The following PVT1 variants were observed in gnomAD, a reference collection of about 807,000 sequenced individuals.
The protein encoded by PVT1 is Pvt1 oncogene.
chr8:128,065,690 G>T (rs1260386528), intron 4 of PVT1, among the ~76,000 whole-genome samples: 1 of 152,158 alleles, frequency 6.6e-6, no homozygotes, highest in African/African-American at 2.4e-5. Context: ...AGTCCCTGTA[G>T]GGGGAAAGAG....
chr8:127,892,320 G>A (rs747705207), intron 3 of PVT1, among the ~76,000 whole-genome samples: 30 of 152,206 alleles, frequency 2.0e-4, no homozygotes, highest in Non-Finnish European at 3.7e-4. Flanking sequence ...ATCTTTCTGA[G>A]TTGAGGAAAT....
At chr8:128,083,999 C>G (rs1814223798) in intron 5 of PVT1, among the ~76,000 whole-genome samples, 1 of 152,158 alleles carries the variant, frequency 6.6e-6, no homozygotes, top group Non-Finnish European at 1.5e-5. Flanking sequence ...CCCTACTTAC[C>G]TTCTCCACCA....
intron 4 of PVT1, among the ~76,000 whole-genome samples, chr8:128,016,356 G>A (rs929565918): frequency 1.3e-5 from 2 of 152,004 alleles, no homozygotes; most frequent in Non-Finnish European, 2.9e-5. Flanking sequence ...AAGTGAGGTT[G>A]GGTTTGTGAA....
At position 128,079,912 on chromosome 8, in the gene PVT1, G is replaced by C. The variant is rs184130495; in HGVS notation, n.1114+9551G>C. Among the ~76,000 whole-genome samples the C allele has an allele frequency of 3.8e-3, 582 of 152,138 alleles. 2 individuals carry two copies. Among genetic ancestry groups the C allele is most frequent in the African/African-American group, 0.013 (560 of 41,504 alleles). ...GCTAATTTTTTGTATTTTTAGTAGA[G>C]ACAGGGTTTCACCATGGTAGCCAGG... On this transcript the variant is annotated intron_variant and non_coding_transcript_variant, in intron 5 of 10. Coordinates refer to ENST00000651587, the Ensembl canonical transcript of PVT1.
intron 2 of PVT1, among the ~76,000 whole-genome samples, chr8:127,817,560 CAT>C (rs1260864615): frequency 3.7e-4 from 32 of 85,806 alleles, no homozygotes; most frequent in Non-Finnish European, 6.0e-4. Context: ...CACACACACA[CAT>C]ATATATATAT....
chr8:127,879,099 A>G (rs1006598550), intron 2 of PVT1, among the ~76,000 whole-genome samples: 8 of 152,138 alleles, frequency 5.3e-5, no homozygotes, highest in African/African-American at 1.9e-4. Context: ...TGCTTTGGAA[A>G]TCTCTATTTT....
At chr8:128,093,515 C>T (rs907856056) in intron 5 of PVT1, among the ~76,000 whole-genome samples, 5 of 151,798 alleles carry the variant, frequency 3.3e-5, no homozygotes, top group Admixed American at 1.3e-4. Flanking sequence ...TGAGATCGCG[C>T]CATTGCCCTC....
intron 3 of PVT1, among the ~76,000 whole-genome samples, chr8:127,978,437 C>T (rs1816846412): frequency 6.6e-6 from 1 of 151,732 alleles, no homozygotes; most frequent in Non-Finnish European, 1.5e-5. Flanking sequence ...ATTCCTGAGC[C>T]ACCACATCCA....
intron 4 of PVT1, among the ~76,000 whole-genome samples, chr8:128,008,512 C>G (rs1041837927): frequency 2.6e-5 from 4 of 152,198 alleles, no homozygotes; most frequent in African/African-American, 9.7e-5. Flanking sequence ...CATGCCTGTT[C>G]CCTACTTCTT....
chr8:127,947,844 T>G (rs1262474625), intron 3 of PVT1: 1 of 456,550 alleles, frequency 2.2e-6, no homozygotes, highest in Non-Finnish European at 4.4e-6. Context: ...TATTAAGCAC[T>G]TACTTTGTGC....
intron 3 of PVT1, among the ~76,000 whole-genome samples, chr8:127,981,854 A>T (rs1816886076): frequency 6.6e-6 from 1 of 152,254 alleles, no homozygotes; most frequent in Admixed American, 6.5e-5. Context: ...CAGTCCTCCC[A>T]GGAGGTGGTG....
intron 2 of PVT1, among the ~76,000 whole-genome samples, chr8:127,869,985 G>T (rs1815334254): frequency 6.6e-6 from 1 of 152,082 alleles, no homozygotes; most frequent in Non-Finnish European, 1.5e-5. Context: ...TGTACTTTTA[G>T]TAGAGACAGG....
intron 3 of PVT1, among the ~76,000 whole-genome samples, chr8:127,905,069 CA>C (rs1815803645): frequency 6.6e-6 from 1 of 152,210 alleles, no homozygotes; most frequent in South Asian, 2.1e-4. Flanking sequence ...CTGTGGTGCT[CA>C]AAGGTACCTG....
At chr8:127,825,377 A>G (rs1389014431) in intron 2 of PVT1, among the ~76,000 whole-genome samples, 1 of 152,090 alleles carries the variant, frequency 6.6e-6, no homozygotes, top group Admixed American at 6.5e-5. Context: ...TCCTCCATGG[A>G]GTTGCTTTCT....
At position 127,868,782 on chromosome 8, in the gene PVT1, T is replaced by TATACGTATATATATATGTATATAC. The variant is rs1563625649; in HGVS notation, n.373-21804_373-21803insCGTATATATATATGTATATACATA. ...TCCTTCCTTTTAACATATATATATATATATATATATACATATATATGTACA... is the reference window on the plus strand; with the variant it reads ...TCCTTCCTTTTAACATATATATATATATACGTATATATATATGTATATACATATATATATACATATATATGTACA... On this transcript the variant is annotated intron_variant and non_coding_transcript_variant, in intron 2 of 10. Coordinates refer to ENST00000651587, the Ensembl canonical transcript of PVT1. 5.0e-3 allele frequency among the ~76,000 whole-genome samples: 301 copies of TATACGTATATATATATGTATATAC among 60,580 alleles called. 14 individuals are homozygous for TATACGTATATATATATGTATATAC. Among genetic ancestry groups the TATACGTATATATATATGTATATAC allele is most frequent in the African/African-American group, 0.016 (229 of 14,770 alleles). 39.7% of individuals were successfully genotyped at this position (60,580 alleles called of 152,430 possible).
intron 2 of PVT1, among the ~76,000 whole-genome samples, chr8:127,827,203 C>A (rs191977223): frequency 7.9e-5 from 12 of 152,180 alleles, no homozygotes; most frequent in Middle Eastern, 3.4e-3. Context: ...CCATGTTGGT[C>A]AGGCTGGTCT....
chr8:128,055,143 A>G (rs1813748357), intron 4 of PVT1, among the ~76,000 whole-genome samples: 1 of 152,146 alleles, frequency 6.6e-6, no homozygotes, highest in Non-Finnish European at 1.5e-5. Context: ...TAATCTCTCT[A>G]TGTCCCTACA....
intron 4 of PVT1, among the ~76,000 whole-genome samples, chr8:127,992,412 T>A (rs1373068870): frequency 6.6e-6 from 1 of 152,158 alleles, no homozygotes; most frequent in Non-Finnish European, 1.5e-5. Context: ...TTTTTTCTTT[T>A]ATTTTTTTAA....
intron 3 of PVT1, among the ~76,000 whole-genome samples, chr8:127,936,683 T>C (rs1482208881): frequency 3.9e-5 from 6 of 152,338 alleles, no homozygotes; most frequent in African/African-American, 1.4e-4. Flanking sequence ...CTTGCAGCCT[T>C]CAGGGCTGAG....
Sources: gnomAD v4.1 joint callset for allele counts (sites outside exome capture counted in the v4.1 genomes callset) on GRCh38, gnomAD v4.1.1 for gene constraint, MANE v1.5 for transcripts, NCBI Gene and HGNC (gene_info 2026-07-23, HGNC 2026-07-21) for gene names.